The following BRINP3 variants were observed in gnomAD, a reference collection of about 807,000 sequenced individuals.
The protein encoded by BRINP3 is BMP/retinoic acid inducible neural specific 3, also known as BMP/retinoic acid-inducible neural-specific protein 3.
In BRINP3, 19 loss-of-function variants were observed where a neutral mutation model predicts 71.0. The observed-to-expected ratio is 0.27, with a 90% CI of 0.19 to 0.39. The LOEUF (loss-of-function observed/expected upper bound fraction) is 0.39, where lower values mean the gene tolerates loss of function less well. Among genes scored for constraint, BRINP3 ranks in the 10% least tolerant of loss-of-function variants. The probability of loss-of-function intolerance (pLI) is 1.00; values close to 1 mark genes in which losing one functional copy is unlikely to be tolerated. For missense variants in BRINP3, 959 were observed against 940.8 expected (o/e 1.02, Z -0.25); for synonymous variants, 380 against 337.7 (o/e 1.13, Z -1.37).
intron 2 of BRINP3, among the ~76,000 whole-genome samples, chr1:190,453,621 G>A (rs908907076): frequency 6.6e-6 from 1 of 152,140 alleles, no homozygotes; most frequent in African/African-American, 2.4e-5. Flanking sequence ...AGAAGGCAAA[G>A]CAATAATTGT....
rs141618195 is a variant in BRINP3, at chr1:190,137,429, A to G, written c.1184+23239T>C. On this transcript the variant is annotated intron_variant, in intron 7 of 7. Transcript: ENST00000367462. ...CTCGGGTGAGAATTCTAGACTTGGA[A>G]CCAAAGTTTAAAAAAAAAAAAAAAA... is the stretch of plus-strand genomic sequence containing the variant. Among the ~76,000 whole-genome samples, 653 of 151,672 alleles carry G rather than the reference A, an allele frequency of 4.3e-3. 4 individuals are homozygous for G. The highest frequency in any genetic ancestry group is 0.014 in the African/African-American group (597 of 41,358).
intron 6 of BRINP3, among the ~76,000 whole-genome samples, chr1:190,189,362 G>C (rs934874449): frequency 2.6e-5 from 4 of 152,072 alleles, no homozygotes; most frequent in Middle Eastern, 6.8e-3. Context: ...TCATTATTCA[G>C]TCTTAGTAGG....
intron 2 of BRINP3, among the ~76,000 whole-genome samples, chr1:190,376,771 C>T (rs1670211560): frequency 6.6e-6 from 1 of 151,780 alleles, no homozygotes; most frequent in Non-Finnish European, 1.5e-5. Context: ...TAAGTTCTGC[C>T]GATGTTAATT....
chr1:190,392,745 G>C lies in BRINP3; in HGVS notation c.236+61910C>G, dbSNP rs138267837. ...CAGTAGGGCCCTTGTAGTTCCACTG[G>C]CATTCTATAAACACCTGAGTACACT... On this transcript the variant is annotated intron_variant, in intron 2 of 7. Transcript: ENST00000367462. Among the ~76,000 whole-genome samples, 32 of 151,516 alleles carry C rather than the reference G, an allele frequency of 2.1e-4. 1 individual carries two copies. In the East Asian group the frequency reaches 6.0e-3, roughly 29 times the overall value.
chr1:190,252,774 T>TTTATTATTA (rs368050022), intron 4 of BRINP3, among the ~76,000 whole-genome samples: 41 of 150,888 alleles, frequency 2.7e-4, no homozygotes, highest in Admixed American at 9.3e-4. Flanking sequence ...CAGATGCTAG[T>TTTATTATTA]TTATTATTAT....
intron 2 of BRINP3, among the ~76,000 whole-genome samples, chr1:190,337,912 T>C (rs917045747): frequency 1.1e-4 from 17 of 152,060 alleles, no homozygotes; most frequent in African/African-American, 4.1e-4. Context: ...TAAACTATGA[T>C]AGTGTCTACC....
chr1:190,397,659 C>G (rs1197356550), intron 2 of BRINP3, among the ~76,000 whole-genome samples: 1 of 151,898 alleles, frequency 6.6e-6, no homozygotes, highest in African/African-American at 2.4e-5. Context: ...TATCACCTGT[C>G]TTGTTGACCA....
intron 2 of BRINP3, among the ~76,000 whole-genome samples, chr1:190,401,487 T>C (rs1371687491): frequency 6.6e-6 from 1 of 152,114 alleles, no homozygotes; most frequent in Non-Finnish European, 1.5e-5. Flanking sequence ...GTTTTTTTGT[T>C]TAAGCCAGAG....
rs190940431 is a variant in BRINP3, at chr1:190,242,548, C to A, written c.619-8071G>T. ...ACCACTGTTGAATTATGCATCTATG[C>A]AAATTACTTGAAGCTGACAACTATA... is the stretch of plus-strand genomic sequence containing the variant. On this transcript the variant is annotated intron_variant, in intron 4 of 7. Transcript: ENST00000367462. Among the ~76,000 whole-genome samples, 77 of 152,122 alleles carry A rather than the reference C, an allele frequency of 5.1e-4. No homozygotes were observed. In the East Asian group the frequency reaches 0.013, roughly 26 times the overall value.
chr1:190,345,369 G>A (rs540836044), intron 2 of BRINP3, among the ~76,000 whole-genome samples: 9 of 151,706 alleles, frequency 5.9e-5, no homozygotes, highest in Admixed American at 2.0e-4. Flanking sequence ...GCTCAGAATC[G>A]AAATAAAACC....
At chr1:190,174,730 A>AT (rs1221474765) in intron 6 of BRINP3, among the ~76,000 whole-genome samples, 1 of 152,030 alleles carries the variant, frequency 6.6e-6, no homozygotes, top group Admixed American at 6.6e-5. Context: ...GTAATGTTTC[A>AT]TTTTTCAAAC....
intron 6 of BRINP3, among the ~76,000 whole-genome samples, chr1:190,161,529 TA>T (rs758986206): frequency 6.6e-6 from 1 of 151,948 alleles, no homozygotes; most frequent in Admixed American, 6.6e-5. Context: ...GAGTACATGC[TA>T]AAAAAATACT....
intron 4 of BRINP3, among the ~76,000 whole-genome samples, chr1:190,252,546 CCACTTAACT>C (rs1220793336): frequency 6.6e-6 from 1 of 152,004 alleles, no homozygotes; most frequent in East Asian, 1.9e-4. Context: ...AAAGTTGTTA[CCACTTAACT>C]AATTTTAGCA....
chr1:190,351,148 G>T (rs955107927), intron 2 of BRINP3, among the ~76,000 whole-genome samples: 2 of 151,996 alleles, frequency 1.3e-5, no homozygotes, highest in Admixed American at 1.3e-4. Flanking sequence ...CTACATCTAC[G>T]AAGTAGACAA....
intron 2 of BRINP3, among the ~76,000 whole-genome samples, chr1:190,391,152 T>C (rs1385568833): frequency 3.3e-5 from 5 of 151,626 alleles, no homozygotes; most frequent in Non-Finnish European, 1.5e-5. Context: ...CTGTGGGATC[T>C]GGGGGAGATT....
intron 2 of BRINP3, among the ~76,000 whole-genome samples, chr1:190,352,252 A>G (rs1212419025): frequency 6.6e-6 from 1 of 152,060 alleles, no homozygotes; most frequent in Non-Finnish European, 1.5e-5. Context: ...TAGACCAAAA[A>G]TATAGTTAAA....
At chr1:190,272,421 T>A (rs553276657) in intron 3 of BRINP3, among the ~76,000 whole-genome samples, 5 of 151,594 alleles carry the variant, frequency 3.3e-5, no homozygotes, top group African/African-American at 1.2e-4. Flanking sequence ...AAGTTGCATA[T>A]GTACTTAGCA....
chr1:190,445,913 T>C (rs946715260), intron 2 of BRINP3, among the ~76,000 whole-genome samples: 1 of 152,184 alleles, frequency 6.6e-6, no homozygotes, highest in South Asian at 2.1e-4. Flanking sequence ...TGTAAATAAT[T>C]GTGTTAACTA....
chr1:190,397,139 T>C (rs1023362197), intron 2 of BRINP3, among the ~76,000 whole-genome samples: 9 of 151,976 alleles, frequency 5.9e-5, no homozygotes, highest in Non-Finnish European at 8.8e-5. Context: ...CATTTGATTC[T>C]GAACTTCTGC....
Sources: gnomAD v4.1 joint callset for allele counts (sites outside exome capture counted in the v4.1 genomes callset) on GRCh38, gnomAD v4.1.1 for gene constraint, MANE v1.5 for transcripts, NCBI Gene and HGNC (gene_info 2026-07-23, HGNC 2026-07-21) for gene names.